TTLL7: variants seen among roughly 807,000 people sequenced by gnomAD.
TTLL7 encodes the protein tubulin polyglutamylase TTLL7.
In TTLL7, 53 loss-of-function variants were observed where a neutral mutation model predicts 120.2. The ratio of observed to expected loss-of-function variants is 0.44; its 90% CI spans 0.35 to 0.55. The LOEUF (loss-of-function observed/expected upper bound fraction) is 0.55, where lower values mean the gene tolerates loss of function less well. Ranked by LOEUF, TTLL7 falls within the 20% of genes least tolerant of loss-of-function variation. The pLI is 0.00. For missense variants in TTLL7, 803 were observed against 1,054.7 expected, an observed-to-expected ratio of 0.76 and a Z score of 3.31; for synonymous variants, 353 against 351.7, an observed-to-expected ratio of 1.00 and a Z score of -0.04.
rs560809133 is a variant in TTLL7, at chr1:83,923,144, A to C, written c.1143-1750T>G. On this transcript the variant is annotated intron_variant, in intron 10 of 20. Transcript: ENST00000260505. ...GGTTTAGGTAACTCTTTAACTTTTG[A>C]ATTTTTTCATTTTATTATATCTAGA... is the stretch of plus-strand genomic sequence containing the variant. Among the ~76,000 whole-genome samples, 78 of 150,470 alleles carry C rather than the reference A, an allele frequency of 5.2e-4. 1 individual carries two copies. Among genetic ancestry groups the C allele is most frequent in the Non-Finnish European group, 8.3e-4 (56 of 67,594 alleles).
intron 3 of TTLL7, among the ~76,000 whole-genome samples, chr1:83,950,880 C>T (rs1443095637): frequency 6.6e-6 from 1 of 152,066 alleles, no homozygotes; most frequent in Non-Finnish European, 1.5e-5. Flanking sequence ...AGAGCAAGGG[C>T]AATAGCAACA....
At chr1:83,915,391 A>G (rs1658056657) in intron 14 of TTLL7, among the ~76,000 whole-genome samples, 1 of 152,232 alleles carries the variant, frequency 6.6e-6, no homozygotes, top group South Asian at 2.1e-4. Flanking sequence ...AGAAATGGGG[A>G]AAGGATTCCC....
intron 1 of TTLL7, among the ~76,000 whole-genome samples, chr1:83,975,637 T>C (rs1482479925): frequency 6.6e-6 from 1 of 152,144 alleles, no homozygotes; most frequent in Non-Finnish European, 1.5e-5. Context: ...AAAACCTTTG[T>C]GCCATAGCAT....
Position 83,947,113 on chromosome 1 carries a change from A to G in TTLL7, c.506+11T>C. On this transcript the variant is annotated intron_variant, in intron 6 of 20. Coordinates refer to ENST00000260505, the MANE Select transcript of TTLL7 (RefSeq NM_024686.6). ...TTTATTTTTATATATTCCAAATAAA[A>G]GCAAACCTACCCATGACCCATTGCA... 6.4e-7 allele frequency: 1 copy of G among 1,562,388 alleles called. No individual in the cohort carries two copies. Among genetic ancestry groups the G allele is most frequent in the Non-Finnish European group, 8.6e-7 (1 of 1,162,752 alleles).
At chr1:83,994,701 G>C (rs1026041513) in intron 1 of TTLL7, among the ~76,000 whole-genome samples, 3 of 152,186 alleles carry the variant, frequency 2.0e-5, no homozygotes. Flanking sequence ...TCTGTCAACT[G>C]TCCCTCCCTT....
chr1:83,909,269 CTTT>C (rs71582911), intron 15 of TTLL7, among the ~76,000 whole-genome samples: 5 of 99,274 alleles, frequency 5.0e-5, no homozygotes, highest in Non-Finnish European at 7.6e-5. Flanking sequence ...TTTTTTTTTC[CTTT>C]TTTTTTTTTT....
intron 18 of TTLL7, chr1:83,902,055 T>A (rs779262571): frequency 1.3e-5 from 2 of 151,882 alleles, no homozygotes; most frequent in African/African-American, 2.4e-5. Flanking sequence ...GAAGAAAACT[T>A]TCCCATCTTC....
At chr1:83,906,769 T>C (rs1490873132) in intron 16 of TTLL7, among the ~76,000 whole-genome samples, 1 of 152,072 alleles carries the variant, frequency 6.6e-6, no homozygotes, top group Non-Finnish European at 1.5e-5. Flanking sequence ...GCAATTTTTC[T>C]TGATTAGAAA....
At chr1:83,887,334 GAA>G (rs757783157) in intron 19 of TTLL7, 1 of 756,688 alleles carries the variant, frequency 1.3e-6, no homozygotes, top group South Asian at 1.6e-5. Context: ...TAAAAACTGA[GAA>G]GAGTAGATTT....
intron 18 of TTLL7, among the ~76,000 whole-genome samples, chr1:83,892,573 T>A (rs1401437564): frequency 1.2e-4 from 16 of 138,552 alleles, no homozygotes; most frequent in East Asian, 4.1e-4. Context: ...TGAACATATA[T>A]ATGAACATAT....
chr1:83,912,634 T>C (rs369521527), intron 14 of TTLL7: 1 of 152,022 alleles, frequency 6.6e-6, no homozygotes, highest in Non-Finnish European at 1.5e-5. Context: ...AAGACAGAAA[T>C]AGCATTTCAT....
At chr1:83,994,834 AAT>A (rs1208625374) in intron 1 of TTLL7, among the ~76,000 whole-genome samples, 1 of 152,204 alleles carries the variant, frequency 6.6e-6, no homozygotes, top group Non-Finnish European at 1.5e-5. Flanking sequence ...TGTGCCTTGC[AAT>A]ATCAGGACCC....
chr1:83,907,370 G>T, intron 16 of TTLL7, 86 bp downstream of exon 16: 2 of 1,200,322 alleles, frequency 1.7e-6, no homozygotes, highest in South Asian at 1.3e-5. Context: ...AGGATCTGAG[G>T]TTCAGTCTGT....
intron 1 of TTLL7, among the ~76,000 whole-genome samples, chr1:83,963,760 G>T (rs1557750773): frequency 6.6e-6 from 1 of 152,074 alleles, no homozygotes; most frequent in African/African-American, 2.4e-5. Context: ...TATATCAGGG[G>T]AATACAGTTC....
chr1:83,887,126 A>T (rs1407396070), intron 19 of TTLL7: 1 of 637,610 alleles, frequency 1.6e-6, no homozygotes, highest in East Asian at 1.2e-4. Context: ...TACCACAAAG[A>T]TCTACATTAC....
At chr1:83,893,204 A>G (rs1655928677) in intron 18 of TTLL7, among the ~76,000 whole-genome samples, 1 of 152,028 alleles carries the variant, frequency 6.6e-6, no homozygotes, top group Admixed American at 6.6e-5. Context: ...AAAGCAGGCC[A>G]TGCACAAACC....
chr1:83,951,993 A>C lies in TTLL7; in HGVS notation c.26-17T>G. On this transcript the variant is annotated splice_polypyrimidine_tract_variant and intron_variant, in intron 2 of 20. Transcript: ENST00000260505. ...CCTGAATAACTTTAAAAAAATGTAA[A>C]ATAATCAGATAACACTGAAAACAAA... 1 of 1,598,848 alleles carries C rather than the reference A, an allele frequency of 6.3e-7. No homozygotes were observed. The highest frequency in any genetic ancestry group is 8.5e-7 in the Non-Finnish European group (1 of 1,175,284).
chr1:83,968,708 T>C (rs528783283), intron 1 of TTLL7, among the ~76,000 whole-genome samples: 1 of 152,080 alleles, frequency 6.6e-6, no homozygotes, highest in Non-Finnish European at 1.5e-5. Flanking sequence ...GTACTCATCT[T>C]ATACTGTCAA....
chr1:83,926,356 C>A (rs1407858722), intron 10 of TTLL7, among the ~76,000 whole-genome samples: 1 of 152,084 alleles, frequency 6.6e-6, no homozygotes, highest in South Asian at 2.1e-4. Flanking sequence ...GAGTATCTAT[C>A]GGACCAGGGC....
Sources: allele counts gnomAD v4.1 joint callset (sites outside exome capture counted in the v4.1 genomes callset), GRCh38; gene constraint gnomAD v4.1.1; transcripts MANE v1.5; gene names NCBI Gene and HGNC (gene_info 2026-07-23, HGNC 2026-07-21).